Variants in ADAM9 observed in about 807,000 individuals in gnomAD.
ADAM9 encodes ADAM metallopeptidase domain 9.
In ADAM9, 54 loss-of-function variants were observed where a neutral mutation model predicts 108.1. The observed-to-expected ratio is 0.50, with a 90% confidence interval of 0.40 to 0.63. The LOEUF (loss-of-function observed/expected upper bound fraction) is 0.63, where lower values mean the gene tolerates loss of function less well. Ranked by LOEUF, ADAM9 falls within the 20% of genes least tolerant of loss-of-function variation. The pLI is 0.00. For synonymous variants in ADAM9, 316 were observed against 336.0 expected, an observed-to-expected ratio of 0.94 and a Z score of 0.65; for missense variants, 830 against 997.7, an observed-to-expected ratio of 0.83 and a Z score of 2.26.
intron 12 of ADAM9, among the ~76,000 whole-genome samples, chr8:39,053,570 AT>A (rs1838023165): frequency 6.6e-6 from 1 of 152,222 alleles, no homozygotes; most frequent in South Asian, 2.1e-4. Flanking sequence ...GCAAAATAAT[AT>A]AGAGTCCTGT....
At chr8:39,014,367 A>T in intron 4 of ADAM9, 1 of 542,188 alleles carries the variant, frequency 1.8e-6, no homozygotes, top group Non-Finnish European at 3.2e-6. Flanking sequence ...GAAAGTTAAT[A>T]TCTCTAAAAG....
intron 8 of ADAM9, among the ~76,000 whole-genome samples, chr8:39,022,009 G>C (rs576153247): frequency 2.6e-5 from 4 of 151,560 alleles, no homozygotes; most frequent in South Asian, 2.1e-4. Context: ...TTTGTCGAAT[G>C]CATCTTATTT....
intron 4 of ADAM9, 27 bp from the exon 5 acceptor site, chr8:39,016,091 G>C (rs754516385): frequency 6.3e-7 from 1 of 1,593,502 alleles, no homozygotes; most frequent in East Asian, 2.2e-5. Flanking sequence ...AGCAATATTT[G>C]AAGATAATAC....
chr8:39,097,744 G>A (rs1223509251), intron 20 of ADAM9, among the ~76,000 whole-genome samples: 2 of 152,300 alleles, frequency 1.3e-5, no homozygotes, highest in East Asian at 3.9e-4. Context: ...GAGCCAAACT[G>A]CCCAGTTTGA....
intron 14 of ADAM9, among the ~76,000 whole-genome samples, chr8:39,061,723 C>T (rs555122761): frequency 2.6e-5 from 4 of 151,974 alleles, no homozygotes; most frequent in Non-Finnish European, 4.4e-5. Context: ...GGGCAAGAGA[C>T]GAAGTGGGGC....
intron 19 of ADAM9, 104 bp downstream of exon 19, chr8:39,090,292 C>A: frequency 1.0e-6 from 1 of 984,422 alleles, no homozygotes; most frequent in South Asian, 1.6e-5. Context: ...CCTGCCTCAG[C>A]CTTCCAAGTA....
intron 14 of ADAM9, among the ~76,000 whole-genome samples, chr8:39,066,485 C>T (rs1838479070): frequency 6.6e-6 from 1 of 152,160 alleles, no homozygotes; most frequent in Admixed American, 6.5e-5. Flanking sequence ...TTTTGATTTG[C>T]GTTTGTCTGA....
At chr8:39,093,407 TA>T (rs1180540372) in intron 20 of ADAM9, among the ~76,000 whole-genome samples, 1 of 152,214 alleles carries the variant, frequency 6.6e-6, no homozygotes, top group Non-Finnish European at 1.5e-5. Context: ...TGTTGTAGTG[TA>T]TAGAAATACT....
At chr8:39,066,461 G>A (rs1376018632) in intron 14 of ADAM9, among the ~76,000 whole-genome samples, 1 of 152,214 alleles carries the variant, frequency 6.6e-6, no homozygotes, top group Non-Finnish European at 1.5e-5. Context: ...GCGTGAGATG[G>A]TATCTCATTG....
At chr8:39,037,513 C>G (rs1837324083) in intron 11 of ADAM9, among the ~76,000 whole-genome samples, 1 of 139,622 alleles carries the variant, frequency 7.2e-6, no homozygotes, top group African/African-American at 2.7e-5. Context: ...TTGATCATAG[C>G]TCACTGCAGC....
intron 4 of ADAM9, 100 bp downstream of exon 4, chr8:39,014,143 C>G: frequency 1.1e-6 from 1 of 921,572 alleles, no homozygotes. Context: ...TTGCACAGCC[C>G]CACAGGGTAC....
rs1836562416 is a variant in ADAM9 at position 39,017,208 on chromosome 8, G to T, written c.411-11G>T. ...TTCTTAAAATTTGTATACGTGTAAT[G>T]CAACATTCAGAGGATTGCTGCATTT... On this transcript the variant is annotated splice_polypyrimidine_tract_variant and intron_variant, in intron 5 of 21. Transcript: ENST00000487273. The T allele has an allele frequency of 1.2e-6, 2 of 1,613,876 alleles. No individual in the cohort carries two copies. The highest frequency in any genetic ancestry group is 1.7e-6 in the Non-Finnish European group (2 of 1,179,950).
Position 39,016,212 on chromosome 8 carries a change from T to G in ADAM9, c.410+18T>G. ...GGACTCAGGTAAGCAATTTCCTTTA[T>G]CTTCTTTTTTTTTGTTTCCCCTATG... On this transcript the variant is annotated intron_variant, in intron 5 of 21. Coordinates refer to ENST00000487273, the MANE Select transcript of ADAM9 (RefSeq NM_003816.3). 1 of 1,605,028 alleles carries G rather than the reference T, an allele frequency of 6.2e-7. No homozygotes were observed. Among genetic ancestry groups the G allele is most frequent in the East Asian group, 2.2e-5 (1 of 44,776 alleles).
At chr8:39,071,811 C>T (rs768082358) in intron 15 of ADAM9, among the ~76,000 whole-genome samples, 5 of 152,172 alleles carry the variant, frequency 3.3e-5, no homozygotes, top group Non-Finnish European at 7.3e-5. Flanking sequence ...CTGATTTTCT[C>T]CCCCTTAAAT....
intron 11 of ADAM9, among the ~76,000 whole-genome samples, chr8:39,040,264 G>A (rs546582410): frequency 6.6e-6 from 1 of 152,176 alleles, no homozygotes; most frequent in East Asian, 1.9e-4. Context: ...GGCCAGGCTG[G>A]TCTGGAACTC....
intron 4 of ADAM9, chr8:39,015,757 GT>G: frequency 5.1e-6 from 1 of 196,784 alleles, no homozygotes; most frequent in Non-Finnish European, 1.1e-5. Flanking sequence ...CACAAACACA[GT>G]TTTAGTGAGA....
chr8:39,098,640 T>C (rs1216230949), intron 20 of ADAM9, among the ~76,000 whole-genome samples: 2 of 152,224 alleles, frequency 1.3e-5, no homozygotes, highest in East Asian at 3.8e-4. Flanking sequence ...TTGTTTGTTA[T>C]AGTTTTATTA....
At chr8:39,006,057 C>T (rs1836150916) in intron 1 of ADAM9, among the ~76,000 whole-genome samples, 2 of 152,262 alleles carry the variant, frequency 1.3e-5, no homozygotes, top group African/African-American at 4.8e-5. Context: ...TAGTGACAGT[C>T]TTTATTTACA....
chr8:39,072,673 C>T (rs1297223107), intron 15 of ADAM9, among the ~76,000 whole-genome samples: 1 of 152,208 alleles, frequency 6.6e-6, no homozygotes, highest in Non-Finnish European at 1.5e-5. Flanking sequence ...GTCTTTCCCC[C>T]TCTCAGCCTG....
Sources: gnomAD v4.1 joint callset for allele counts (sites outside exome capture counted in the v4.1 genomes callset) on GRCh38, gnomAD v4.1.1 for gene constraint, MANE v1.5 for transcripts, NCBI Gene and HGNC (gene_info 2026-07-23, HGNC 2026-07-21) for gene names.